The following ATP8A2 variants were observed in gnomAD, a reference collection of about 807,000 sequenced individuals.
ATP8A2 encodes the protein phospholipid-transporting ATPase IB.
In ATP8A2, 100 loss-of-function variants were observed where a neutral mutation model predicts 165.6. The ratio of observed to expected loss-of-function variants is 0.60; its 90% CI spans 0.51 to 0.71. The LOEUF is 0.71. Among genes scored for constraint, ATP8A2 ranks in the 30% least tolerant of loss-of-function variants. ATP8A2 has a pLI of 0.00. For missense variants in ATP8A2, 1,227 were observed against 1,479.5 expected, an observed-to-expected ratio of 0.83 and a Z score of 2.80; for synonymous variants, 543 against 548.8, an observed-to-expected ratio of 0.99 and a Z score of 0.15.
At chr13:25,734,608 A>G (rs2043726425) in intron 25 of ATP8A2, among the ~76,000 whole-genome samples, 2 of 152,172 alleles carry the variant, frequency 1.3e-5, no homozygotes, top group South Asian at 4.2e-4. Context: ...AGGGCCTGGA[A>G]TGTGACAAAA....
intron 1 of ATP8A2, among the ~76,000 whole-genome samples, chr13:25,430,800 G>A: frequency 6.6e-6 from 1 of 152,140 alleles, no homozygotes; most frequent in East Asian, 1.9e-4. Flanking sequence ...GTTTCACCAT[G>A]TTGGTAAGGC....
chr13:25,718,505 C>T (rs1250169746), intron 25 of ATP8A2, among the ~76,000 whole-genome samples: 1 of 152,048 alleles, frequency 6.6e-6, no homozygotes, highest in East Asian at 1.9e-4. Flanking sequence ...ACACTGAGAG[C>T]CAGTAGGCTG....
chr13:25,968,745 C>T (rs1955845232), intron 35 of ATP8A2, 66 bp downstream of exon 35: 3 of 1,297,136 alleles, frequency 2.3e-6, no homozygotes, highest in East Asian at 4.7e-5. Flanking sequence ...TTATTCCTTC[C>T]TGTATTTCTT....
chr13:25,380,382 G>A (rs941392071), intron 1 of ATP8A2, among the ~76,000 whole-genome samples: 2 of 152,160 alleles, frequency 1.3e-5, no homozygotes, highest in South Asian at 2.1e-4. Context: ...GATCTTTGCC[G>A]CGCAGTAGAG....
chr13:25,736,254 G>A (rs2043766487), intron 25 of ATP8A2, among the ~76,000 whole-genome samples: 1 of 152,176 alleles, frequency 6.6e-6, no homozygotes, highest in African/African-American at 2.4e-5. Flanking sequence ...TTCCAAGGGT[G>A]AAAAGATGGC....
intron 2 of ATP8A2, among the ~76,000 whole-genome samples, chr13:25,484,714 A>C (rs1270338048): frequency 2.0e-5 from 3 of 151,926 alleles, no homozygotes; most frequent in Non-Finnish European, 4.4e-5. Flanking sequence ...ATGGAATTTC[A>C]CTATGTTGGC....
intron 24 of ATP8A2, among the ~76,000 whole-genome samples, chr13:25,630,011 G>A (rs932973411): frequency 7.2e-5 from 11 of 152,046 alleles, no homozygotes; most frequent in Non-Finnish European, 1.5e-4. Flanking sequence ...TCTTTCAAAG[G>A]AAGCAATTCT....
chr13:25,931,088 A>G (rs541726786), intron 33 of ATP8A2, among the ~76,000 whole-genome samples: 145 of 151,694 alleles, frequency 9.6e-4, no homozygotes, highest in Non-Finnish European at 1.6e-3. Context: ...GTGAAAATCC[A>G]AAATCTGAAG....
rs535231731 is a variant in ATP8A2, at chr13:25,480,371, C to T, written c.221+11250C>T. The stretch of plus-strand genomic sequence containing the variant: ...CTCACTTCCCAGACTGGGTGGCTGC[C>T]GGGCGGAGGGGCTCCTCACTTCTCA... On this transcript the variant is annotated intron_variant, in intron 2 of 36. Coordinates refer to ENST00000381655, the MANE Select transcript of ATP8A2 (RefSeq NM_016529.6). Among the ~76,000 whole-genome samples, 486 of 151,702 alleles carry T rather than the reference C, an allele frequency of 3.2e-3. 3 individuals carry two copies. Among genetic ancestry groups the T allele is most frequent in the African/African-American group, 0.01 (434 of 41,370 alleles).
chr13:25,796,160 G>A (rs1950494642), intron 27 of ATP8A2, among the ~76,000 whole-genome samples: 1 of 152,118 alleles, frequency 6.6e-6, no homozygotes. Flanking sequence ...ATGTTGGCCA[G>A]GCTGGTCTCA....
At chr13:25,598,393 T>C (rs1350070120) in intron 24 of ATP8A2, among the ~76,000 whole-genome samples, 2 of 152,206 alleles carry the variant, frequency 1.3e-5, no homozygotes, top group Non-Finnish European at 1.5e-5. Flanking sequence ...AGAAAGCCTA[T>C]TGGGATTTTT....
chr13:25,465,686 T>C (rs1276932105), intron 1 of ATP8A2, among the ~76,000 whole-genome samples: 1 of 14,608 alleles, frequency 6.8e-5, no homozygotes, highest in Non-Finnish European at 1.9e-4. Context: ...TTTCTTTCTT[T>C]CTTTCTTTCT....
chr13:25,733,664 C>T (rs539518758), intron 25 of ATP8A2, among the ~76,000 whole-genome samples: 9 of 152,146 alleles, frequency 5.9e-5, no homozygotes, highest in Non-Finnish European at 1.2e-4. Flanking sequence ...TTTTCCAAAG[C>T]AGGTGGTATA....
At chr13:25,542,232 G>A (rs946109722) in intron 9 of ATP8A2, among the ~76,000 whole-genome samples, 186 bp downstream of exon 9, 7 of 152,102 alleles carry the variant, frequency 4.6e-5, no homozygotes, top group Non-Finnish European at 8.8e-5. Flanking sequence ...CCTCAGATGA[G>A]GCTCAAAGCA....
intron 25 of ATP8A2, among the ~76,000 whole-genome samples, chr13:25,748,689 G>A (rs758699011): frequency 2.0e-5 from 3 of 152,056 alleles, no homozygotes; most frequent in South Asian, 4.2e-4. Flanking sequence ...TCTGCTTCAG[G>A]GCCTGTTCAT....
At chr13:25,582,070 GA>G in intron 23 of ATP8A2, 113 bp downstream of exon 23, 12 of 1,087,220 alleles carry the variant, frequency 1.1e-5, no homozygotes, top group Non-Finnish European at 1.6e-5. Context: ...TGTTTTATAG[GA>G]ATCTTCATTC....
At position 25,442,061 on chromosome 13, in the gene ATP8A2, C is replaced by G. The variant is rs77443225; in HGVS notation, c.77-26916C>G. Among the ~76,000 whole-genome samples the G allele has an allele frequency of 1.4e-4, 22 of 152,322 alleles. No individual in the cohort carries two copies. The East Asian group carries it at 4.2e-3, about 29-fold the overall frequency. On this transcript the variant is annotated intron_variant, in intron 1 of 36. Coordinates refer to ENST00000381655, the MANE Select transcript of ATP8A2 (RefSeq NM_016529.6). ...GCTTCATCCATGTGGAAGCACGTGTCAGAATTTCCTTTCCTTTAAGGTTGA... is the reference window on the plus strand; with the variant it reads ...GCTTCATCCATGTGGAAGCACGTGTGAGAATTTCCTTTCCTTTAAGGTTGA...
intron 24 of ATP8A2, among the ~76,000 whole-genome samples, chr13:25,689,183 G>T (rs1291193479): frequency 6.6e-6 from 1 of 152,210 alleles, no homozygotes; most frequent in Non-Finnish European, 1.5e-5. Context: ...TACAGCATCT[G>T]TGAGGTTTGC....
intron 24 of ATP8A2, among the ~76,000 whole-genome samples, chr13:25,694,823 A>G (rs943451996): frequency 1.3e-5 from 2 of 152,266 alleles, no homozygotes; most frequent in Admixed American, 1.3e-4. Flanking sequence ...GGCATGCACC[A>G]TCATGCCTGG....
Sources: allele counts gnomAD v4.1 joint callset (sites outside exome capture counted in the v4.1 genomes callset), GRCh38; gene constraint gnomAD v4.1.1; transcripts MANE v1.5; gene names NCBI Gene and HGNC (gene_info 2026-07-23, HGNC 2026-07-21).